The following GLI2 variants were observed in gnomAD, a reference collection of about 807,000 sequenced individuals.
GLI2 encodes GLI family zinc finger 2.
GLI2 carries 22 observed loss-of-function variants against 78.9 expected under a neutral mutation model. The observed-to-expected ratio is 0.28, with a 90% confidence interval of 0.20 to 0.40. The LOEUF (loss-of-function observed/expected upper bound fraction) is 0.40. Among genes scored for constraint, GLI2 ranks in the 10% least tolerant of loss-of-function variants. GLI2 has a pLI of 1.00. For synonymous variants in GLI2, 974 were observed against 963.7 expected (o/e 1.01, Z -0.20); for missense variants, 2,097 against 2,213.2 (o/e 0.95, Z 1.05).
At chr2:120,843,749 C>T (rs1274618366) in intron 2 of GLI2, among the ~76,000 whole-genome samples, 1 of 152,184 alleles carries the variant, frequency 6.6e-6, no homozygotes, top group Non-Finnish European at 1.5e-5. Flanking sequence ...TCACTGCAGC[C>T]TCTGCCTCCC....
At chr2:120,885,157 A>AAG (rs578174929) in intron 2 of GLI2, among the ~76,000 whole-genome samples, 143 of 152,316 alleles carry the variant, frequency 9.4e-4, no homozygotes, top group African/African-American at 3.2e-3. Flanking sequence ...ACCCCCAGGG[A>AAG]AGAGATCTCC....
chr2:120,858,499 C>T (rs76867392), intron 2 of GLI2, among the ~76,000 whole-genome samples: 7 of 152,310 alleles, frequency 4.6e-5, no homozygotes, highest in Admixed American at 2.0e-4. Context: ...TCTGGCCTCT[C>T]GCCTCCACCC....
intron 1 of GLI2, among the ~76,000 whole-genome samples, chr2:120,757,323 T>C (rs1683063541): frequency 6.6e-6 from 1 of 152,170 alleles, no homozygotes; most frequent in Admixed American, 6.6e-5. Flanking sequence ...TTACTATAAA[T>C]ATTCTTGAGC....
intron 1 of GLI2, among the ~76,000 whole-genome samples, chr2:120,778,517 G>T (rs1044018973): frequency 1.3e-5 from 2 of 152,212 alleles, no homozygotes; most frequent in East Asian, 3.9e-4. Context: ...GCGTGTGAAC[G>T]GTGAGGGCAG....
At chr2:120,909,588 G>T (rs113355549) in intron 2 of GLI2, among the ~76,000 whole-genome samples, 1 of 152,138 alleles carries the variant, frequency 6.6e-6, no homozygotes, top group African/African-American at 2.4e-5. Context: ...ACTTTAGGCC[G>T]GGCGTGGTGG....
chr2:120,749,190 C>T (rs929411796), intron 1 of GLI2, among the ~76,000 whole-genome samples: 6 of 152,246 alleles, frequency 3.9e-5, no homozygotes, highest in South Asian at 2.1e-4. Flanking sequence ...GTGCTTAACA[C>T]GTGTTTGTTT....
At chr2:120,899,382 TACACACTTGTGTGTACACACACATACAC>T (rs899489257) in intron 2 of GLI2, among the ~76,000 whole-genome samples, 9 of 150,034 alleles carry the variant, frequency 6.0e-5, no homozygotes, top group African/African-American at 2.2e-4. Flanking sequence ...TTCTCTCTCA[TACACACTTGTGTGTACACACACATACAC>T]ACACACACAC....
intron 1 of GLI2, among the ~76,000 whole-genome samples, chr2:120,773,497 C>T (rs1230119825): frequency 6.6e-6 from 1 of 152,204 alleles, no homozygotes; most frequent in East Asian, 1.9e-4. Flanking sequence ...TGGCCTTGTC[C>T]CTGCTTTCAG....
Position 120,989,666 on chromosome 2 carries a change from A to C in GLI2, c.3701A>C (p.His1234Pro), listed in dbSNP as rs750581555. The change falls in exon 14 of 14, where the codon CAC (histidine) becomes CCC (proline). Residue 1234 changes from histidine to proline, a missense_variant. By Grantham distance (77) the His-to-Pro change is moderately conservative. This residue lies in a region of GLI2 where 1,290 missense variants were observed against 1,261.7 expected (regional missense o/e 1.02). Coordinates refer to ENST00000361492, the MANE Select transcript of GLI2 (RefSeq NM_001374353.1). The stretch of plus-strand genomic sequence containing the variant: ...CCCCATGCCTGCTATGGCCAAGTCC[A>C]CCCCCAGCTGAGCCCCAGCACCATC... ...MSPHACYGQV[H>P]PQLSPSTISG... The C allele has an allele frequency of 6.8e-6, 11 of 1,612,960 alleles. No individual in the cohort carries two copies. The highest frequency in any genetic ancestry group is 9.3e-6 in the Non-Finnish European group (11 of 1,179,910).
intron 3 of GLI2, 85 bp from the exon 4 acceptor site, chr2:120,951,158 C>A: frequency 1.2e-6 from 1 of 809,206 alleles, no homozygotes; most frequent in Non-Finnish European, 2.2e-6. Flanking sequence ...CCAGGAGAGA[C>A]AAGGACTGTC....
intron 3 of GLI2, among the ~76,000 whole-genome samples, chr2:120,942,904 A>G (rs766292752): frequency 0.015 from 2,123 of 145,452 alleles, 66 homozygotes; most frequent in African/African-American, 0.055. Context: ...ATTCGTTCAC[A>G]CCCTCACTCA....
intron 2 of GLI2, among the ~76,000 whole-genome samples, chr2:120,896,673 C>A (rs1359325766): frequency 1.4e-5 from 2 of 142,564 alleles, no homozygotes; most frequent in African/African-American, 5.6e-5. Flanking sequence ...ACACCCACCC[C>A]CCCACACACT....
chr2:120,785,499 G>A (rs1314701276), intron 1 of GLI2, among the ~76,000 whole-genome samples: 1 of 152,144 alleles, frequency 6.6e-6, no homozygotes, highest in African/African-American at 2.4e-5. Context: ...CTGCAGCTGG[G>A]CAAGTTGGAG....
chr2:120,822,724 C>G (rs1414237940), intron 2 of GLI2, among the ~76,000 whole-genome samples: 5 of 152,144 alleles, frequency 3.3e-5, no homozygotes, highest in African/African-American at 1.2e-4. Context: ...GCCATACTTC[C>G]CTTCCAATGG....
chr2:120,966,546 G>A (rs1008831075), intron 5 of GLI2, among the ~76,000 whole-genome samples: 3 of 152,254 alleles, frequency 2.0e-5, no homozygotes, highest in Non-Finnish European at 2.9e-5. Flanking sequence ...AGCCCCTTTC[G>A]GCCCAATGGT....
At chr2:120,843,660 G>A (rs1395117944) in intron 2 of GLI2, among the ~76,000 whole-genome samples, 1 of 151,956 alleles carries the variant, frequency 6.6e-6, no homozygotes, top group African/African-American at 2.4e-5. Flanking sequence ...GGAGGAGTGT[G>A]GTTTATTTTT....
In GLI2 at chr2:120,984,382, G is replaced by A. The variant is rs1384621988; in HGVS notation, c.1633-89G>A. The A allele has an allele frequency of 3.5e-5, 49 of 1,386,004 alleles. No individual in the cohort carries two copies. In the South Asian group the frequency reaches 4.2e-4, roughly 12 times the overall value. The allele number at this position is 1,386,004 out of a possible 1,614,324, so 85.9% of individuals were successfully genotyped here. The stretch of plus-strand genomic sequence containing the variant: ...TGCCAGCTGGGCTCTGCTGAGGGGC[G>A]TGGGTAGCTTCAGGAGAACAGGGAG... On this transcript the variant is annotated intron_variant, in intron 11 of 13. Transcript: ENST00000361492.
At position 120,984,749 on chromosome 2, in the gene GLI2, C is replaced by T. The variant is rs761159026; in HGVS notation, c.1905+6C>T. On this transcript the variant is annotated splice_donor_region_variant and intron_variant, in intron 12 of 13. Transcript: ENST00000361492. Reference sequence around the variant, plus strand: ...TCAAGACCGAGAGCTCCGGGGTAAGCGGAGCTGGGCAGCCCAGCCACGCAA... The same window carrying T: ...TCAAGACCGAGAGCTCCGGGGTAAGTGGAGCTGGGCAGCCCAGCCACGCAA... The T allele has an allele frequency of 3.4e-5, 55 of 1,611,488 alleles. No individual in the cohort carries two copies. Among genetic ancestry groups the T allele is most frequent in the Middle Eastern group, 1.7e-4 (1 of 5,836 alleles).
At chr2:120,917,608 T>A (rs544373592) in intron 2 of GLI2, among the ~76,000 whole-genome samples, 1 of 152,360 alleles carries the variant, frequency 6.6e-6, no homozygotes, top group East Asian at 1.9e-4. Context: ...GGAGACCCCA[T>A]CCTCTGCACT....
Sources: allele counts gnomAD v4.1 joint callset (sites outside exome capture counted in the v4.1 genomes callset), GRCh38; gene constraint gnomAD v4.1.1; regional missense constraint gnomAD v4.1.1; transcripts MANE v1.5; gene names NCBI Gene and HGNC (gene_info 2026-07-23, HGNC 2026-07-21).